The following C10orf105 variants were observed in gnomAD, a reference collection of about 807,000 sequenced individuals.
The protein encoded by C10orf105 is chromosome 10 open reading frame 105.
C10orf105 carries 2 observed loss-of-function variants against 0.6 expected under a neutral mutation model. The ratio of observed to expected loss-of-function variants is 3.18; its 90% confidence interval spans 1.30 to 10.01. The LOEUF is 10.01. Among genes scored for constraint, C10orf105 ranks in the 30% most tolerant of loss-of-function variants. The pLI is 0.04. For missense variants in C10orf105, 209 were observed against 191.4 expected, an observed-to-expected ratio of 1.09 and a Z score of -0.54; for synonymous variants, 95 against 82.4, an observed-to-expected ratio of 1.15 and a Z score of -0.83.
chr10:71,725,559 G>C (rs371932117), intron 1 of C10orf105: 6 of 1,595,996 alleles, frequency 3.8e-6, no homozygotes, highest in Non-Finnish European at 5.1e-6. Context: ...ACCTCAGGAC[G>C]GGGCCAAGCC....
chr10:71,730,937 C>T (rs575672493), intron 1 of C10orf105, among the ~76,000 whole-genome samples: 7 of 152,314 alleles, frequency 4.6e-5, no homozygotes, highest in African/African-American at 1.4e-4. Flanking sequence ...TAAAGAGGAC[C>T]GGTCAGAAAG....
chr10:71,715,721 A>G lies in C10orf105; in HGVS notation c.*215T>C. On this transcript the variant is annotated 3_prime_UTR_variant, in exon 2 of 2. Coordinates refer to ENST00000441508, the MANE Select transcript of C10orf105 (RefSeq NM_001164375.3). ...CTTGACCAGAAGTCTTTCATCAAGCAGCAGCGAGGGGGTCTGCAGAGAGGA... is the reference window on the plus strand; with the variant it reads ...CTTGACCAGAAGTCTTTCATCAAGCGGCAGCGAGGGGGTCTGCAGAGAGGA... 4.7e-6 allele frequency: 2 copies of G among 427,960 alleles called. No homozygotes were observed. The highest frequency in any genetic ancestry group is 8.3e-6 in the Non-Finnish European group (2 of 242,330). 26.5% of individuals were successfully genotyped at this position (427,960 alleles called of 1,614,324 possible).
chr10:71,717,785 A>G (rs1442271184), intron 1 of C10orf105: 2 of 152,284 alleles, frequency 1.3e-5, no homozygotes, highest in African/African-American at 4.8e-5. Context: ...GGATTTTTTT[A>G]AAGGCAAACA....
chr10:71,720,788 G>C (rs1212426277), upstream of C10orf105, among the ~76,000 whole-genome samples: 1 of 152,182 alleles, frequency 6.6e-6, no homozygotes, highest in Non-Finnish European at 1.5e-5. Context: ...TGAGAGAAAA[G>C]AGCCCCCGTC....
chr10:71,713,029 C>T lies in C10orf105; in HGVS notation c.*2907G>A, dbSNP rs766703960. The T allele has an allele frequency of 9.6e-6, 7 of 732,936 alleles. No individual in the cohort carries two copies. Among genetic ancestry groups the T allele is most frequent in the Non-Finnish European group, 1.8e-5 (7 of 398,042 alleles). 45.4% of individuals were successfully genotyped at this position (732,936 alleles called of 1,614,324 possible). On this transcript the variant is annotated 3_prime_UTR_variant, in exon 2 of 2. Coordinates refer to ENST00000441508, the MANE Select transcript of C10orf105 (RefSeq NM_001164375.3). ...CCAGGTTGCAGAGCTGAGGATAGGG[C>T]TCTGGCTCCCCACAAACAGGAGGAA...
intron 1 of C10orf105, among the ~76,000 whole-genome samples, chr10:71,733,263 G>A (rs1217302112): frequency 2.0e-5 from 3 of 152,156 alleles, no homozygotes; most frequent in Non-Finnish European, 4.4e-5. Flanking sequence ...CCAGAGCTTC[G>A]GTGCCCTCCT....
intron 1 of C10orf105, among the ~76,000 whole-genome samples, chr10:71,728,402 C>T (rs998120838): frequency 6.6e-6 from 1 of 152,108 alleles, no homozygotes; most frequent in Non-Finnish European, 1.5e-5. Context: ...ACCCATATGC[C>T]TCTCTGCCCC....
rs763710024 is a variant in C10orf105 at position 71,714,960 on chromosome 10, G to A, written c.*976C>T. On this transcript the variant is annotated 3_prime_UTR_variant, in exon 2 of 2. Coordinates refer to ENST00000441508, the MANE Select transcript of C10orf105 (RefSeq NM_001164375.3). Reference sequence around the variant, plus strand: ...TGGGATTCTGAGAAGCCCATCCTGGGGTGGGACTGCTTTGACGGGTCATCA... The same window carrying A: ...TGGGATTCTGAGAAGCCCATCCTGGAGTGGGACTGCTTTGACGGGTCATCA... 1.3e-5 allele frequency: 2 copies of A among 152,256 alleles called. No individual in the cohort carries two copies. The highest frequency in any genetic ancestry group is 2.4e-5 in the African/African-American group (1 of 41,442). 9.4% of individuals were successfully genotyped at this position (152,256 alleles called of 1,614,324 possible). A position where few individuals can be genotyped will look rare whatever the true frequency, so the allele number is the denominator to read the frequency against.
rs1428395303 is a variant in C10orf105 at position 71,715,671 on chromosome 10, C to T, written c.*265G>A. ...ACCCTGTGGAGCCTCAGGCCAAAGG[C>T]CCAGATGACCACGAGTGCACATCTC... On this transcript the variant is annotated 3_prime_UTR_variant, in exon 2 of 2. Transcript: ENST00000441508. 5.9e-6 allele frequency: 2 copies of T among 336,352 alleles called. No homozygotes were observed. The highest frequency in any genetic ancestry group is 4.2e-5 in the African/African-American group (2 of 47,082). 20.8% of individuals were successfully genotyped at this position (336,352 alleles called of 1,614,324 possible).
intron 1 of C10orf105, among the ~76,000 whole-genome samples, chr10:71,736,752 C>G (rs1286847845): frequency 2.0e-5 from 3 of 152,224 alleles, no homozygotes; most frequent in African/African-American, 7.2e-5. Context: ...GTTCAGGTTA[C>G]AGCAAGAAAC....
chr10:71,724,160 A>G, upstream of C10orf105: 1 of 1,532,978 alleles, frequency 6.5e-7, no homozygotes, highest in Admixed American at 2.0e-5. Flanking sequence ...GGGAGGGCAG[A>G]GCTTCTCTAG....
At chr10:71,720,315 CA>C (rs1359584463), upstream of C10orf105, among the ~76,000 whole-genome samples, 2 of 152,062 alleles carry the variant, frequency 1.3e-5, no homozygotes, top group Non-Finnish European at 2.9e-5. Context: ...CTTCAAAGGT[CA>C]GGGGGATCCC....
intron 1 of C10orf105, chr10:71,734,563 C>A: frequency 6.2e-7 from 1 of 1,606,226 alleles, no homozygotes; most frequent in Non-Finnish European, 8.5e-7. Flanking sequence ...AGAGACACTG[C>A]CGGGAGTGGG....
intron 1 of C10orf105, among the ~76,000 whole-genome samples, chr10:71,736,683 C>A (rs1052516323): frequency 2.6e-5 from 4 of 152,214 alleles, no homozygotes; most frequent in African/African-American, 9.6e-5. Flanking sequence ...TGCAGCCTCA[C>A]CAAGATCAGA....
chr10:71,730,818 C>T (rs1839351914), intron 1 of C10orf105, among the ~76,000 whole-genome samples: 1 of 152,248 alleles, frequency 6.6e-6, no homozygotes, highest in South Asian at 2.1e-4. Context: ...GTCCCAACCA[C>T]TGGGTGGACA....
rs1177168821 is a variant in C10orf105 at position 71,713,163 on chromosome 10, G to A, written c.*2773C>T. On this transcript the variant is annotated 3_prime_UTR_variant, in exon 2 of 2. Coordinates refer to ENST00000441508, the MANE Select transcript of C10orf105 (RefSeq NM_001164375.3). Reference sequence around the variant, plus strand: ...CGGAAAGGAGTTGAGAAGAGAGCCAGGGCCCAGCAAGGCCCAGAACAGAGC... The same window carrying A: ...CGGAAAGGAGTTGAGAAGAGAGCCAAGGCCCAGCAAGGCCCAGAACAGAGC... The A allele has an allele frequency of 1.3e-6, 1 of 779,322 alleles. No homozygotes were observed. Among genetic ancestry groups the A allele is most frequent in the Admixed American group, 1.7e-5 (1 of 58,988 alleles). 48.3% of individuals were successfully genotyped at this position (779,322 alleles called of 1,614,324 possible).
intron 1 of C10orf105, among the ~76,000 whole-genome samples, chr10:71,719,283 G>A (rs573382478): frequency 4.3e-4 from 65 of 152,146 alleles, no homozygotes; most frequent in Non-Finnish European, 5.7e-4. Context: ...TGCCTTGCCC[G>A]GACCAAGGCC....
rs1159432872 is a variant in C10orf105, at chr10:71,712,967, G to A, written c.*2969C>T. On this transcript the variant is annotated 3_prime_UTR_variant, in exon 2 of 2. Transcript: ENST00000441508. ...CTGGAAGGTGCTGTGGGGAAAGGGGGACCCAGGCCCTCTCCCATCCCAGGG... is the reference window on the plus strand; with the variant it reads ...CTGGAAGGTGCTGTGGGGAAAGGGGAACCCAGGCCCTCTCCCATCCCAGGG... 1 of 919,376 alleles carries A rather than the reference G, an allele frequency of 1.1e-6. No individual in the cohort carries two copies. Among genetic ancestry groups the A allele is most frequent in the Non-Finnish European group, 1.7e-6 (1 of 579,658 alleles). 57.0% of individuals were successfully genotyped at this position (919,376 alleles called of 1,614,324 possible).
chr10:71,719,711 GC>G lies in C10orf105; in HGVS notation c.-91del, dbSNP rs2132785483. On this transcript the variant is annotated 5_prime_UTR_variant, in exon 1 of 2. Coordinates refer to ENST00000441508, the MANE Select transcript of C10orf105 (RefSeq NM_001164375.3). ...GGAGGCCCAAGGAGCCCTGGGCAGT[GC>G]CTGTGACCCCAGCCCTGCCAGGCTC... is the stretch of plus-strand genomic sequence containing the variant. 6.6e-6 allele frequency: 1 copy of G among 152,532 alleles called. No individual in the cohort carries two copies. The allele number at this position is 152,532 out of a possible 1,614,324, so 9.4% of individuals were successfully genotyped here.
Sources: gnomAD v4.1 joint callset for allele counts (sites outside exome capture counted in the v4.1 genomes callset) on GRCh38, gnomAD v4.1.1 for gene constraint, MANE v1.5 for transcripts, NCBI Gene and HGNC (gene_info 2026-07-23, HGNC 2026-07-21) for gene names.